PAFAH1B1: variants seen among roughly 807,000 people sequenced by gnomAD.
The protein encoded by PAFAH1B1 is platelet activating factor acetylhydrolase 1b regulatory subunit 1, also known as platelet-activating factor acetylhydrolase IB subunit beta.
Under a neutral mutation model 57.5 loss-of-function variants are expected in PAFAH1B1, and 2 were observed. The observed-to-expected ratio is 0.03, with a 90% CI of 0.01 to 0.11. The LOEUF (loss-of-function observed/expected upper bound fraction) is 0.11. PAFAH1B1 is among the 10% of genes least tolerant of loss of function. The pLI is 1.00. For synonymous variants in PAFAH1B1, 152 were observed against 169.6 expected (o/e 0.90, Z 0.81); for missense variants, 257 against 512.0 (o/e 0.50, Z 4.81).
intron 1 of PAFAH1B1, among the ~76,000 whole-genome samples, chr17:2,626,871 G>A (rs2068500894): frequency 6.6e-6 from 1 of 151,948 alleles, no homozygotes; most frequent in African/African-American, 2.4e-5. Flanking sequence ...TTATATGTTT[G>A]TTGGCCATTT....
At chr17:2,652,161 C>CA (rs141483321) in intron 2 of PAFAH1B1, among the ~76,000 whole-genome samples, 126,495 of 151,726 alleles carry the variant, frequency 0.83, 53,578 homozygotes, top group East Asian at 0.94. Flanking sequence ...CCTGTAATCC[C>CA]ACACTTTGGG....
chr17:2,604,440 AT>A (rs772480531), intron 1 of PAFAH1B1, among the ~76,000 whole-genome samples: 1 of 151,820 alleles, frequency 6.6e-6, no homozygotes, highest in Admixed American at 6.6e-5. Context: ...GACCTGTGTC[AT>A]TTAGGCTATT....
At chr17:2,628,539 T>C (rs901255992) in intron 1 of PAFAH1B1, among the ~76,000 whole-genome samples, 3 of 152,080 alleles carry the variant, frequency 2.0e-5, no homozygotes, top group Non-Finnish European at 2.9e-5. Context: ...GTAGTTTTCT[T>C]TTTTTGGTTG....
chr17:2,682,068 A>G lies in PAFAH1B1; in HGVS notation c.*266A>G. On this transcript the variant is annotated 3_prime_UTR_variant, in exon 11 of 11. Coordinates refer to ENST00000397195, the MANE Select transcript of PAFAH1B1 (RefSeq NM_000430.4). ...TTGGTCACACCAGGCCTAAGAAGGC[A>G]GAAGTTGAATCAATTGAACTAGGGC... The G allele has an allele frequency of 2.6e-6, 1 of 383,816 alleles. No homozygotes were observed. Among genetic ancestry groups the G allele is most frequent in the East Asian group, 4.0e-5 (1 of 25,108 alleles). 23.8% of individuals were successfully genotyped at this position (383,816 alleles called of 1,614,324 possible).
chr17:2,672,558 C>T (rs1015396782), intron 6 of PAFAH1B1, 97 bp from the exon 7 acceptor site: 6 of 835,314 alleles, frequency 7.2e-6, no homozygotes, highest in Non-Finnish European at 1.2e-5. Flanking sequence ...CTTGCTTTGA[C>T]ATAGTGAAAC....
chr17:2,655,209 GTGTGTGTT>G (rs998001657), intron 2 of PAFAH1B1, among the ~76,000 whole-genome samples: 2 of 150,940 alleles, frequency 1.3e-5, no homozygotes, highest in African/African-American at 4.9e-5. Context: ...GTGTGTGTGT[GTGTGTGTT>G]TATAAGAGTG....
chr17:2,661,073 T>C (rs1205290989), intron 2 of PAFAH1B1, among the ~76,000 whole-genome samples: 1 of 152,210 alleles, frequency 6.6e-6, no homozygotes, highest in Non-Finnish European at 1.5e-5. Flanking sequence ...TCTGTTCATA[T>C]CCTTTGCCCA....
chr17:2,642,240 T>C (rs1030388536), intron 2 of PAFAH1B1: 8 of 152,326 alleles, frequency 5.3e-5, no homozygotes, highest in African/African-American at 9.6e-5. Flanking sequence ...TTCTGTAATA[T>C]AGGATGAGCA....
chr17:2,678,862 G>A (rs2069317429), intron 9 of PAFAH1B1, among the ~76,000 whole-genome samples: 2 of 152,206 alleles, frequency 1.3e-5, no homozygotes, highest in Admixed American at 1.3e-4. Context: ...TCCAGCCTGG[G>A]CAACAGAGTT....
Position 2,630,553 on chromosome 17 carries a change from G to A in PAFAH1B1, c.-190-7546G>A, listed in dbSNP as rs62068218. On this transcript the variant is annotated intron_variant, in intron 1 of 10. Transcript: ENST00000397195. Reference sequence around the variant, plus strand: ...CACAGCTCTTAAGATTCTTTCCTTTGTCTTAACTTTGGATAACCTGATGAC... The same window carrying A: ...CACAGCTCTTAAGATTCTTTCCTTTATCTTAACTTTGGATAACCTGATGAC... 7.6e-3 allele frequency among the ~76,000 whole-genome samples: 1,164 copies of A among 152,274 alleles called. 5 individuals carry two copies. Among genetic ancestry groups the A allele is most frequent in the Admixed American group, 0.013 (204 of 15,298 alleles).
chr17:2,681,831 T>A lies in PAFAH1B1; in HGVS notation c.*29T>A, dbSNP rs1481993547. On this transcript the variant is annotated 3_prime_UTR_variant, in exon 11 of 11. Coordinates refer to ENST00000397195, the MANE Select transcript of PAFAH1B1 (RefSeq NM_000430.4). ...TGTCTCCTTCGGCCCCTCCTCCCTCTTTTCCTCTGGATGCACTCTGATGAT... is the reference window on the plus strand; with the variant it reads ...TGTCTCCTTCGGCCCCTCCTCCCTCATTTCCTCTGGATGCACTCTGATGAT... 6.5e-7 allele frequency: 1 copy of A among 1,544,794 alleles called. No individual in the cohort carries two copies. The highest frequency in any genetic ancestry group is 2.2e-5 in the East Asian group (1 of 44,624).
At chr17:2,610,103 C>T (rs764260854) in intron 1 of PAFAH1B1, among the ~76,000 whole-genome samples, 1 of 152,224 alleles carries the variant, frequency 6.6e-6, no homozygotes, top group Non-Finnish European at 1.5e-5. Context: ...AGATTACTGG[C>T]GTGAGCCACT....
At chr17:2,647,469 A>G (rs966675049) in intron 2 of PAFAH1B1, among the ~76,000 whole-genome samples, 5 of 152,256 alleles carry the variant, frequency 3.3e-5, no homozygotes, top group Middle Eastern at 3.4e-3. Flanking sequence ...CCTGAGAGGC[A>G]GAGATTGCAG....
intron 1 of PAFAH1B1, among the ~76,000 whole-genome samples, chr17:2,609,936 T>G (rs921309362): frequency 2.6e-5 from 4 of 152,220 alleles, no homozygotes; most frequent in South Asian, 2.1e-4. Context: ...ACAATTCTTG[T>G]GCCTCAGCCT....
chr17:2,594,109 C>T (rs1038240522), intron 1 of PAFAH1B1, 103 bp downstream of exon 1: 5 of 396,938 alleles, frequency 1.3e-5, no homozygotes, highest in African/African-American at 6.2e-5. Context: ...CGCCGGTCCC[C>T]TCCCTCCCAT....
rs946380799 is a variant in PAFAH1B1, at chr17:2,618,425, C to T, written c.-190-19674C>T. 4.6e-5 allele frequency among the ~76,000 whole-genome samples: 7 copies of T among 152,022 alleles called. 1 individual carries two copies. The South Asian group carries it at 1.5e-3, about 32-fold the overall frequency. ...ACAATTTTAAAACTCTAGAAATTTACCTCTCTGGGTAAGAAAGGAAATAAA... is the reference window on the plus strand; with the variant it reads ...ACAATTTTAAAACTCTAGAAATTTATCTCTCTGGGTAAGAAAGGAAATAAA... On this transcript the variant is annotated intron_variant, in intron 1 of 10. Coordinates refer to ENST00000397195, the MANE Select transcript of PAFAH1B1 (RefSeq NM_000430.4).
chr17:2,633,457 T>C (rs573623008), intron 1 of PAFAH1B1, among the ~76,000 whole-genome samples: 16 of 151,898 alleles, frequency 1.1e-4, no homozygotes, highest in Non-Finnish European at 1.9e-4. Context: ...TGTGAGCCAC[T>C]GTGCCCAGCC....
chr17:2,605,484 T>C (rs1176410946), intron 1 of PAFAH1B1, among the ~76,000 whole-genome samples: 1 of 152,202 alleles, frequency 6.6e-6, no homozygotes, highest in Non-Finnish European at 1.5e-5. Context: ...GTTTATTGAA[T>C]CCTAAATGGG....
At chr17:2,621,207 T>C (rs527502202) in intron 1 of PAFAH1B1, among the ~76,000 whole-genome samples, 14 of 152,216 alleles carry the variant, frequency 9.2e-5, no homozygotes, top group Non-Finnish European at 7.3e-5. Context: ...TTATTTTTGC[T>C]GATTCTCTCC....
Sources: allele counts gnomAD v4.1 joint callset (sites outside exome capture counted in the v4.1 genomes callset), GRCh38; gene constraint gnomAD v4.1.1; transcripts MANE v1.5; gene names NCBI Gene and HGNC (gene_info 2026-07-23, HGNC 2026-07-21).